BRD7: variants seen among roughly 807,000 people sequenced by gnomAD.
BRD7 encodes the protein bromodomain-containing protein 7.
A neutral mutation model predicts 82.1 loss-of-function variants in BRD7; 15 were observed. That is an observed-to-expected ratio of 0.18 (90% CI 0.12 to 0.28). The LOEUF (loss-of-function observed/expected upper bound fraction) is 0.28. Among genes scored for constraint, BRD7 ranks in the 10% least tolerant of loss-of-function variants. BRD7 has a pLI of 1.00. For synonymous variants in BRD7, 232 were observed against 266.9 expected (o/e 0.87, Z 1.27); for missense variants, 638 against 779.9 (o/e 0.82, Z 2.17).
rs1324819198 is a variant in BRD7, at chr16:50,349,885, G to A, written c.591+138C>T. 4 of 789,834 alleles carry A rather than the reference G, an allele frequency of 5.1e-6. No homozygotes were observed. The African/African-American group carries it at 5.4e-5, about 11-fold the overall frequency. The allele number at this position is 789,834 out of a possible 1,614,324, so 48.9% of individuals were successfully genotyped here. A position where few individuals can be genotyped will look rare whatever the true frequency, so the allele number is the denominator to read the frequency against. On this transcript the variant is annotated intron_variant, in intron 5 of 16. Coordinates refer to ENST00000394688, the MANE Select transcript of BRD7 (RefSeq NM_013263.5). ...CATCACCAAGCTCATAAAGTTTTCT[G>A]AAGCAGAAATAAACAAAGATACTGG...
intron 12 of BRD7, among the ~76,000 whole-genome samples, chr16:50,322,406 T>G (rs560332720): frequency 5.3e-4 from 81 of 152,336 alleles, no homozygotes; most frequent in Non-Finnish European, 1.1e-3. Flanking sequence ...CACAGCAATA[T>G]TCTCAGATAG....
At chr16:50,331,430 G>A (rs966191501) in intron 8 of BRD7, among the ~76,000 whole-genome samples, 7 of 152,196 alleles carry the variant, frequency 4.6e-5, no homozygotes, top group East Asian at 1.9e-4. Context: ...GGCTGGGCAC[G>A]GTGGCTCATG....
intron 8 of BRD7, among the ~76,000 whole-genome samples, chr16:50,331,456 C>CT (rs1165921157): frequency 2.0e-5 from 3 of 152,204 alleles, no homozygotes; most frequent in Non-Finnish European, 1.5e-5. Context: ...AATCCTAGCA[C>CT]TTTGGGAGGC....
At chr16:50,362,637 C>T (rs544594772) in intron 2 of BRD7, among the ~76,000 whole-genome samples, 1 of 152,320 alleles carries the variant, frequency 6.6e-6, no homozygotes, top group South Asian at 2.1e-4. Flanking sequence ...GACATTCCAA[C>T]ACACGCTACA....
chr16:50,323,705 GA>G lies in BRD7; in HGVS notation c.1332-8del. 1 of 1,594,976 alleles carries G rather than the reference GA, an allele frequency of 6.3e-7. No homozygotes were observed. Among genetic ancestry groups the G allele is most frequent in the Middle Eastern group, 1.7e-4 (1 of 6,022 alleles). On this transcript the variant is annotated splice_polypyrimidine_tract_variant and splice_region_variant and intron_variant, in intron 11 of 16. Transcript: ENST00000394688. Reference sequence around the variant, plus strand: ...GGCCAAAAACTCATGGATGCTGCAAGAGACAGTTAGGAAAGTCTCACATAAA... The same window carrying G: ...GGCCAAAAACTCATGGATGCTGCAAGGACAGTTAGGAAAGTCTCACATAAA...
intron 12 of BRD7, among the ~76,000 whole-genome samples, chr16:50,322,787 A>T (rs2037174936): frequency 6.6e-6 from 1 of 152,204 alleles, no homozygotes; most frequent in Non-Finnish European, 1.5e-5. Flanking sequence ...TGGTAAAAAA[A>T]TATGTATTTT....
At chr16:50,362,996 G>A (rs1375078308) in intron 2 of BRD7, among the ~76,000 whole-genome samples, 1 of 152,168 alleles carries the variant, frequency 6.6e-6, no homozygotes, top group Non-Finnish European at 1.5e-5. Context: ...ATAGTAGGAT[G>A]ATGTACATAA....
chr16:50,339,752 T>C (rs1401410362), intron 6 of BRD7, among the ~76,000 whole-genome samples: 1 of 152,220 alleles, frequency 6.6e-6, no homozygotes, highest in East Asian at 1.9e-4. Flanking sequence ...TAATTACAAG[T>C]GAATGCCAAT....
intron 5 of BRD7, among the ~76,000 whole-genome samples, chr16:50,341,486 C>G (rs1208911211): frequency 6.6e-6 from 1 of 151,068 alleles, no homozygotes; most frequent in African/African-American, 2.4e-5. Context: ...ACTAAAAATA[C>G]AAAAAAATTA....
intron 16 of BRD7, among the ~76,000 whole-genome samples, chr16:50,319,595 G>A (rs1406754516): frequency 1.3e-5 from 2 of 151,634 alleles, no homozygotes; most frequent in Non-Finnish European, 2.9e-5. Context: ...AATATTTGGG[G>A]AAAAAACCCA....
intron 8 of BRD7, among the ~76,000 whole-genome samples, chr16:50,332,935 T>G (rs1030917993): frequency 6.6e-6 from 1 of 151,642 alleles, no homozygotes; most frequent in African/African-American, 2.4e-5. Context: ...TAAATACTGG[T>G]GCACACAGAC....
intron 2 of BRD7, among the ~76,000 whole-genome samples, chr16:50,356,739 T>TACAC (rs749145071): frequency 0.017 from 2,459 of 148,672 alleles, 123 homozygotes; most frequent in East Asian, 0.11. Flanking sequence ...TATATATATA[T>TACAC]ACACACACAC....
Position 50,318,218 on chromosome 16 carries a change from CTT to C in BRD7, c.*991_*992del, listed in dbSNP as rs1338841409. 2 of 152,192 alleles carry C rather than the reference CTT, an allele frequency of 1.3e-5. No individual in the cohort carries two copies. The highest frequency in any genetic ancestry group is 1.9e-4 in the East Asian group (1 of 5,222). 9.4% of individuals were successfully genotyped at this position (152,192 alleles called of 1,614,324 possible). ...ACTCAAACAACTTGAAAATTTGACT[CTT>C]TTAGCATAAGATTTTAAGTCTTTTG... On this transcript the variant is annotated 3_prime_UTR_variant, in exon 17 of 17. Transcript: ENST00000394688.
chr16:50,349,964 T>A, intron 5 of BRD7, 59 bp downstream of exon 5: 1 of 1,375,230 alleles, frequency 7.3e-7, no homozygotes. Flanking sequence ...AGAAAGATTC[T>A]GAATATCAGA....
chr16:50,339,414 A>C (rs868640537), intron 6 of BRD7, among the ~76,000 whole-genome samples: 1 of 152,248 alleles, frequency 6.6e-6, no homozygotes, highest in South Asian at 2.1e-4. Context: ...GAACCTATAC[A>C]GCATGTTACC....
chr16:50,347,421 AG>A (rs2038331576), intron 5 of BRD7, among the ~76,000 whole-genome samples: 1 of 152,210 alleles, frequency 6.6e-6, no homozygotes. Flanking sequence ...GCAATCAGGC[AG>A]GAGAAAGAAA....
At chr16:50,326,096 A>G (rs780596654) in intron 10 of BRD7, among the ~76,000 whole-genome samples, 188 bp downstream of exon 10, 1 of 152,248 alleles carries the variant, frequency 6.6e-6, no homozygotes, top group Non-Finnish European at 1.5e-5. Flanking sequence ...AGAAAGAACA[A>G]AATTCATTTT....
In BRD7 at chr16:50,330,336, A is replaced by ATTTTTT; in HGVS notation, c.1012-1593_1012-1592insAAAAAA. ...AAACAAGTTAAGTTGAAAAGAGGAC[A>ATTTTTT]CTTTTTTTTTTTTTTTTTTTTTGAG... On this transcript the variant is annotated intron_variant, in intron 8 of 16. Coordinates refer to ENST00000394688, the MANE Select transcript of BRD7 (RefSeq NM_013263.5). 1.4e-5 allele frequency among the ~76,000 whole-genome samples: 2 copies of ATTTTTT among 139,770 alleles called. 1 individual carries two copies. The allele number at this position is 139,770 out of a possible 152,430, so 91.7% of individuals were successfully genotyped here. A position where few individuals can be genotyped will look rare whatever the true frequency, so the allele number is the denominator to read the frequency against.
At chr16:50,338,684 C>T (rs1407302637) in intron 6 of BRD7, among the ~76,000 whole-genome samples, 4 of 152,178 alleles carry the variant, frequency 2.6e-5, no homozygotes, top group African/African-American at 9.7e-5. Flanking sequence ...CTCTACTCTA[C>T]CTCTTATCTA....
Sources: allele counts gnomAD v4.1 joint callset (sites outside exome capture counted in the v4.1 genomes callset), GRCh38; gene constraint gnomAD v4.1.1; transcripts MANE v1.5; gene names NCBI Gene and HGNC (gene_info 2026-07-23, HGNC 2026-07-21).